PKLR: variants seen among roughly 807,000 people sequenced by gnomAD.
PKLR encodes pyruvate kinase PKLR.
In PKLR, 38 loss-of-function variants were observed where a neutral mutation model predicts 53.6. That is an observed-to-expected ratio of 0.71 (90% CI 0.55 to 0.93). The LOEUF is 0.93. PKLR is among the 40% of genes least tolerant of loss of function. PKLR has a pLI of 0.00. For synonymous variants in PKLR, 328 were observed against 316.2 expected, an observed-to-expected ratio of 1.04 and a Z score of -0.39; for missense variants, 702 against 787.3, an observed-to-expected ratio of 0.89 and a Z score of 1.30.
chr1:155,291,749 A>T lies in PKLR; in HGVS notation c.1618+7T>A. The stretch of plus-strand genomic sequence containing the variant: ...TAGGAGTGGCAGGGAAGGTCTAGGT[A>T]GCTCACCACTTTCAATGCCAAATTG... On this transcript the variant is annotated splice_region_variant and intron_variant, in intron 10 of 10. Transcript: ENST00000342741. 1 of 1,613,450 alleles carries T rather than the reference A, an allele frequency of 6.2e-7. No individual in the cohort carries two copies. Among genetic ancestry groups the T allele is most frequent in the Non-Finnish European group, 8.5e-7 (1 of 1,179,402 alleles).
In PKLR at chr1:155,290,590, C is replaced by T; in HGVS notation, c.1707G>A (p.Arg569=). Residue 569 remains arginine (R), a synonymous_variant, in exon 11 of 11, where the codon CGG becomes CGA. Coordinates refer to ENST00000342741, the MANE Select transcript of PKLR (RefSeq NM_000298.6). ...GGGCGTCTCAGGATATGCTTAGCACCCGCATGATGTTGGTGTAGCCGGAGC... is the reference window on the plus strand; with the variant it reads ...GGGCGTCTCAGGATATGCTTAGCACTCGCATGATGTTGGTGTAGCCGGAGC... The part of the protein sequence containing the change: ...RPGSGYTNIM[R]VLSIS 1 of 1,609,906 alleles carries T rather than the reference C, an allele frequency of 6.2e-7. No homozygotes were observed. The highest frequency in any genetic ancestry group is 8.5e-7 in the Non-Finnish European group (1 of 1,176,388).
At chr1:155,299,901 G>A (rs1647887948) in intron 2 of PKLR, among the ~76,000 whole-genome samples, 197 bp downstream of exon 2, 1 of 152,084 alleles carries the variant, frequency 6.6e-6, no homozygotes, top group Non-Finnish European at 1.5e-5. Context: ...GCTCCCCAAG[G>A]GTAGGGATTT....
chr1:155,300,761 T>G, intron 1 of PKLR: 6 of 1,150,404 alleles, frequency 5.2e-6, no homozygotes. Flanking sequence ...CCCTGGCTAC[T>G]GGCTGGCTTC....
upstream of PKLR, among the ~76,000 whole-genome samples, chr1:155,302,828 A>G (rs1648100112): frequency 6.6e-6 from 1 of 152,206 alleles, no homozygotes; most frequent in Admixed American, 6.5e-5. Flanking sequence ...GTGCACCACC[A>G]TGCCTGGCTA....
rs1674481456 is a variant in PKLR at position 155,290,496 on chromosome 1, G to A, written c.*76C>T. 4.6e-6 allele frequency: 4 copies of A among 869,508 alleles called. No homozygotes were observed. Among genetic ancestry groups the A allele is most frequent in the South Asian group, 1.4e-5 (1 of 73,582 alleles). 53.9% of individuals were successfully genotyped at this position (869,508 alleles called of 1,614,324 possible). A position where few individuals can be genotyped will look rare whatever the true frequency, so the allele number is the denominator to read the frequency against. The stretch of plus-strand genomic sequence containing the variant: ...CTTAAAGGTGGGGCTTTGGAGGGGT[G>A]TGGGCTGGAGAACGTAGACTGGGGA... On this transcript the variant is annotated 3_prime_UTR_variant, in exon 11 of 11. Transcript: ENST00000342741.
chr1:155,293,131 C>A lies in PKLR; in HGVS notation c.1436+46G>T, dbSNP rs373417890. On this transcript the variant is annotated intron_variant, in intron 9 of 10. Coordinates refer to ENST00000342741, the MANE Select transcript of PKLR (RefSeq NM_000298.6). This position sits in a 1 kb window ranked among gnomAD's most constrained non-coding sequence, Gnocchi z 4.2. ...CAAGCCTGGGGCCCGTCCCAGCCCA[C>A]CCCTGACCCAAAGCTCCATCTGGAC... The A allele has an allele frequency of 3.6e-5, 57 of 1,577,574 alleles. No homozygotes were observed. The African/African-American group carries it at 7.0e-4, about 19-fold the overall frequency.
the PKLR span, among the ~76,000 whole-genome samples, chr1:155,307,780 C>A: frequency 6.6e-6 from 1 of 152,132 alleles, no homozygotes. Context: ...AGTTCGAGAC[C>A]AGGCTGGCCA....
At position 155,295,668 on chromosome 1, in the gene PKLR, G is replaced by C; in HGVS notation, c.372C>G (p.His124Gln). ...TGCCCGGCGGCCCGTCCCGCACCTC[G>C]TGGGAGCCGTGGGAGAAGTTGAGTC... ...IARLNFSHGSHEYHAESIANV... is the reference protein window; with the variant it reads ...IARLNFSHGSQEYHAESIANV... Residue 124 changes from histidine to glutamine, a missense_variant, in exon 3 of 11, where the codon CAC becomes CAG. His to Gln is a conservative substitution (Grantham distance 24). Coordinates refer to ENST00000342741, the MANE Select transcript of PKLR (RefSeq NM_000298.6). This position sits in a 1 kb window ranked among gnomAD's most constrained non-coding sequence, Gnocchi z 4.3. 1.2e-6 allele frequency: 2 copies of C among 1,614,058 alleles called. No individual in the cohort carries two copies. The highest frequency in any genetic ancestry group is 2.2e-5 in the South Asian group (2 of 91,088).
At position 155,294,260 on chromosome 1, in the gene PKLR, C is replaced by T. The variant is rs981579065; in HGVS notation, c.1091G>A (p.Gly364Asp). The change falls in exon 7 of 11, where the codon GGC becomes GAC. Residue 364 changes from glycine (G) to aspartate (D), a missense_variant. Physicochemically the swap from Gly to Asp is moderately conservative, Grantham distance 94. Transcript: ENST00000342741. ...KMMIGRCNLA[G>D]KPVVCATQML... ...CTGTGTGGCACAGACAACAGGCTTG[C>T]CCGCCAAGTTGCAGCGCCCAATCAT... is the stretch of plus-strand genomic sequence containing the variant. The T allele has an allele frequency of 1.1e-5, 17 of 1,614,090 alleles. No individual in the cohort carries two copies. The highest frequency in any genetic ancestry group is 1.4e-5 in the Non-Finnish European group (17 of 1,180,038).
chr1:155,294,926 A>G (rs1647472206), intron 5 of PKLR, among the ~76,000 whole-genome samples, 174 bp from the exon 6 acceptor site: 1 of 152,176 alleles, frequency 6.6e-6, no homozygotes. Context: ...CGTGGAAGAA[A>G]CGACCCACCC....
rs1485686979 is a variant in PKLR at position 155,293,312 on chromosome 1, T to C, written c.1301A>G (p.His434Arg). Residue 434 changes from histidine to arginine, a missense_variant, in exon 9 of 11, where the codon CAC (histidine) becomes CGC (arginine). Physicochemically the swap from His to Arg is conservative, Grantham distance 29. Transcript: ENST00000342741. This position sits in a 1 kb window ranked among gnomAD's most constrained non-coding sequence, Gnocchi z 4.2. The stretch of plus-strand genomic sequence containing the variant: ...ACGTAGCTCCTCAAACAGCTGCCGG[T>C]GGTACACTGCGGCCTCTGCCTCCCG... ...IAREAEAAVYHRQLFEELRRA... is the reference protein window; with the variant it reads ...IAREAEAAVYRRQLFEELRRA... The C allele has an allele frequency of 1.2e-6, 2 of 1,614,080 alleles. No homozygotes were observed. The highest frequency in any genetic ancestry group is 2.7e-5 in the African/African-American group (2 of 74,916).
At chr1:155,307,687 A>C in the PKLR span, among the ~76,000 whole-genome samples, 4 of 152,188 alleles carry the variant, frequency 2.6e-5, no homozygotes, top group Non-Finnish European at 4.4e-5. Context: ...TATAATCAAT[A>C]AATAACTGCC....
At chr1:155,307,593 T>C in the PKLR span, among the ~76,000 whole-genome samples, 1 of 152,244 alleles carries the variant, frequency 6.6e-6, no homozygotes, top group Non-Finnish European at 1.5e-5. Flanking sequence ...GCTATACTCC[T>C]ACCACATGCT....
chr1:155,291,173 A>C (rs1406047264), intron 10 of PKLR, among the ~76,000 whole-genome samples: 1 of 152,110 alleles, frequency 6.6e-6, no homozygotes, highest in Admixed American at 6.6e-5. Flanking sequence ...CACGGGTGGC[A>C]TGCAGGGAAT....
chr1:155,299,274 G>A (rs998456328), intron 2 of PKLR, among the ~76,000 whole-genome samples: 2 of 149,848 alleles, frequency 1.3e-5, no homozygotes, highest in African/African-American at 2.5e-5. Context: ...CACTGCAGCC[G>A]TGACCTCCTG....
At chr1:155,298,983 T>C (rs1360251463) in intron 2 of PKLR, among the ~76,000 whole-genome samples, 2 of 90,054 alleles carry the variant, frequency 2.2e-5, no homozygotes, top group Non-Finnish European at 4.1e-5. Context: ...TCTTTCTTTC[T>C]TTCTTTCTTT....
intron 1 of PKLR, chr1:155,300,897 C>T (rs1170768048): frequency 2.5e-6 from 4 of 1,610,858 alleles, no homozygotes; most frequent in Non-Finnish European, 2.5e-6. Flanking sequence ...TGCCACTGCA[C>T]ACCTCTCTGG....
At chr1:155,304,382 C>T (rs958737531), upstream of PKLR, among the ~76,000 whole-genome samples, 13 of 144,200 alleles carry the variant, frequency 9.0e-5, no homozygotes, top group Non-Finnish European at 1.8e-4. Flanking sequence ...TGCAGTGAGC[C>T]GAGATCATGC....
rs748703432 is a variant in PKLR, at chr1:155,301,353, A to G, written c.43T>C (p.Trp15Arg). 6.2e-7 allele frequency: 1 copy of G among 1,614,038 alleles called. No individual in the cohort carries two copies. The highest frequency in any genetic ancestry group is 1.7e-5 in the Admixed American group (1 of 60,008). ...AAGTCTCTTTGGGACTTAGAGACCC[A>G]TGACCGAAGCTGCAGGGATGATATG... is the stretch of plus-strand genomic sequence containing the variant. ...ENISSLQLRS[W>R]VSKSQRDLAK... Residue 15 changes from tryptophan (W) to arginine (R), a missense_variant, in exon 1 of 11, where the codon TGG (tryptophan) becomes CGG (arginine). Transcript: ENST00000342741.
Sources: allele counts gnomAD v4.1 joint callset (sites outside exome capture counted in the v4.1 genomes callset), GRCh38; gene constraint gnomAD v4.1.1; non-coding constraint Gnocchi (gnomAD v3.1); transcripts MANE v1.5; gene names NCBI Gene and HGNC (gene_info 2026-07-23, HGNC 2026-07-21).